Variants in STARD9 observed in about 807,000 individuals in gnomAD.
The protein encoded by STARD9 is StAR related lipid transfer domain containing 9.
Under a neutral mutation model 399.8 loss-of-function variants are expected in STARD9, and 346 were observed. The ratio of observed to expected loss-of-function variants is 0.87; its 90% CI spans 0.79 to 0.95. The LOEUF is 0.95. STARD9 is among the 40% of genes least tolerant of loss of function. The probability of loss-of-function intolerance (pLI) is 0.00; values close to 1 mark genes in which losing one functional copy is unlikely to be tolerated. For missense variants in STARD9, 5,832 were observed against 5,667.5 expected (o/e 1.03, Z -0.93); for synonymous variants, 2,203 against 2,143.5 (o/e 1.03, Z -0.77).
chr15:42,588,307 C>T lies in STARD9; in HGVS notation c.234+2670C>T, dbSNP rs540522727. ...CGTATTTTACATTTATGTGTCTTAA[C>T]TGTATAAAAATCTAGTGAAAGCCCA... On this transcript the variant is annotated intron_variant, in intron 3 of 32. Transcript: ENST00000290607. Among the ~76,000 whole-genome samples, 3 of 151,944 alleles carry T rather than the reference C, an allele frequency of 2.0e-5. No homozygotes were observed. In the East Asian group the frequency reaches 5.8e-4, roughly 29 times the overall value.
At chr15:42,668,271 G>A (rs772030480) in intron 15 of STARD9, among the ~76,000 whole-genome samples, 2 of 152,040 alleles carry the variant, frequency 1.3e-5, no homozygotes, top group African/African-American at 2.4e-5. Context: ...TCAACTCAAT[G>A]ATTATTAAAA....
intron 3 of STARD9, among the ~76,000 whole-genome samples, chr15:42,596,202 A>G (rs1482888357): frequency 6.6e-6 from 1 of 152,196 alleles, no homozygotes; most frequent in East Asian, 1.9e-4. Flanking sequence ...AGACATGCCC[A>G]AAGCTTGATA....
Position 42,690,082 on chromosome 15 carries a change from T to C in STARD9, c.8504T>C (p.Val2835Ala), listed in dbSNP as rs2060654690. 1.6e-5 allele frequency: 24 copies of C among 1,537,504 alleles called. No individual in the cohort carries two copies. The highest frequency in any genetic ancestry group is 2.0e-5 in the Non-Finnish European group (23 of 1,146,986). Residue 2835 changes from valine to alanine, a missense_variant, in exon 23 of 33, where the codon GTC becomes GCC. This residue lies in a region of STARD9 where 5,828 missense variants were observed against 5,651.1 expected (regional missense o/e 1.03). Coordinates refer to ENST00000290607, the MANE Select transcript of STARD9 (RefSeq NM_020759.3). ...TSASGPKQDH[V>A]QCPEASTGFE... Reference sequence around the variant, plus strand: ...GCCTCAGGGCCTAAGCAAGACCATGTCCAATGCCCTGAGGCTTCTACTGGC... The same window carrying C: ...GCCTCAGGGCCTAAGCAAGACCATGCCCAATGCCCTGAGGCTTCTACTGGC...
In STARD9 at chr15:42,686,053, T is replaced by G. The variant is rs1242328728; in HGVS notation, c.4475T>G (p.Leu1492Arg). 6.5e-7 allele frequency: 1 copy of G among 1,537,264 alleles called. No homozygotes were observed. The highest frequency in any genetic ancestry group is 2.0e-5 in the Admixed American group (1 of 50,994). ...RDWSALQQKYLLELSCPVLEA... is the reference protein window; with the variant it reads ...RDWSALQQKYRLELSCPVLEA... ...TGGTCTGCCCTTCAGCAGAAGTACC[T>G]CCTTGAACTCTCTTGTCCTGTTTTG... The change falls in exon 23 of 33, where the codon CTC becomes CGC. Residue 1492 changes from leucine (L) to arginine (R), a missense_variant. Transcript: ENST00000290607.
In STARD9 at chr15:42,684,463, G is replaced by T. The variant is rs542925209; in HGVS notation, c.2885G>T (p.Arg962Met). The T allele has an allele frequency of 2.6e-6, 4 of 1,537,196 alleles. No homozygotes were observed. Among genetic ancestry groups the T allele is most frequent in the African/African-American group, 2.7e-5 (2 of 73,148 alleles). Residue 962 changes from arginine to methionine, a missense_variant, in exon 23 of 33, where the codon AGG becomes ATG. This residue lies in a region of STARD9 where 5,828 missense variants were observed against 5,651.1 expected (regional missense o/e 1.03). Transcript: ENST00000290607. ...AAATCAGCTAACAAACTAAAGCCAA[G>T]GCATGAGCCAAAGATCTTCACCTCT... is the stretch of plus-strand genomic sequence containing the variant. Reference protein sequence around the residue: ...LRKSANKLKPRHEPKIFTSTT... With the variant: ...LRKSANKLKPMHEPKIFTSTT...
chr15:42,638,551 G>T (rs545441576), intron 6 of STARD9, 149 bp from the exon 7 acceptor site: 84 of 556,240 alleles, frequency 1.5e-4, no homozygotes, highest in Non-Finnish European at 2.4e-4. Flanking sequence ...TATGGAAAGA[G>T]AATCAAGGGG....
chr15:42,663,703 C>T (rs1303924683), intron 12 of STARD9, 117 bp from the exon 13 acceptor site: 3 of 891,566 alleles, frequency 3.4e-6, no homozygotes, highest in African/African-American at 3.3e-5. Flanking sequence ...CCATGACCAC[C>T]TAGGTTTCTC....
At chr15:42,582,202 CAGTCCTCTAGGTCATAGCCTGGG>C (rs1325052888) in intron 1 of STARD9, among the ~76,000 whole-genome samples, 14 of 152,170 alleles carry the variant, frequency 9.2e-5, no homozygotes, top group African/African-American at 3.4e-4. Context: ...CTCCTACCCC[CAGTCCTCTAGGTCATAGCCTGGG>C]AAGCCTGAGG....
At chr15:42,684,016 C>T in intron 22 of STARD9, 100 bp from the exon 23 acceptor site, 1 of 1,318,354 alleles carries the variant, frequency 7.6e-7, no homozygotes, top group South Asian at 1.5e-5. Context: ...GGTCTGAAGT[C>T]TATAGGAGAC....
chr15:42,635,306 C>A lies in STARD9; in HGVS notation c.351+334C>A, dbSNP rs565179695. Among the ~76,000 whole-genome samples the A allele has an allele frequency of 3.4e-4, 52 of 151,388 alleles. 1 individual carries two copies. The South Asian group carries it at 0.011, about 31-fold the overall frequency. Reference sequence around the variant, plus strand: ...TTTTCAGCATTTAATTGGAAGGTAACCTTTGAATAATTAACCCTTATTTAT... The same window carrying A: ...TTTTCAGCATTTAATTGGAAGGTAAACTTTGAATAATTAACCCTTATTTAT... On this transcript the variant is annotated intron_variant, in intron 4 of 32. Coordinates refer to ENST00000290607, the MANE Select transcript of STARD9 (RefSeq NM_020759.3).
Position 42,685,837 on chromosome 15 carries a change from C to A in STARD9, c.4259C>A (p.Thr1420Lys). ...RDEHTASAADTSRLSLWGIQR... is the reference protein window; with the variant it reads ...RDEHTASAADKSRLSLWGIQR... Reference sequence around the variant, plus strand: ...GAGCACACAGCCTCTGCTGCTGATACGTCTAGGCTGTCTCTCTGGGGAATT... The same window carrying A: ...GAGCACACAGCCTCTGCTGCTGATAAGTCTAGGCTGTCTCTCTGGGGAATT... The change falls in exon 23 of 33, where the codon ACG becomes AAG. Residue 1420 changes from threonine (T) to lysine (K), a missense_variant. This residue lies in a region of STARD9 where 5,828 missense variants were observed against 5,651.1 expected (regional missense o/e 1.03). Transcript: ENST00000290607. 6.5e-7 allele frequency: 1 copy of A among 1,537,126 alleles called. No homozygotes were observed. The highest frequency in any genetic ancestry group is 8.7e-7 in the Non-Finnish European group (1 of 1,146,920).
chr15:42,667,437 C>A (rs1162064518), intron 15 of STARD9, among the ~76,000 whole-genome samples: 3 of 151,132 alleles, frequency 2.0e-5, no homozygotes, highest in African/African-American at 7.3e-5. Flanking sequence ...CCCACCTCGG[C>A]CTCTCAAAGT....
At chr15:42,701,495 G>A (rs1018952364) in intron 26 of STARD9, among the ~76,000 whole-genome samples, 2 of 151,892 alleles carry the variant, frequency 1.3e-5, no homozygotes, top group African/African-American at 2.4e-5. Context: ...TTATTTTTTT[G>A]TAGCTATTGT....
chr15:42,581,368 T>C, intron 1 of STARD9: 2 of 1,468,906 alleles, frequency 1.4e-6, no homozygotes, highest in Non-Finnish European at 1.9e-6. Flanking sequence ...GAGAAGAGCG[T>C]CCCCTCGGGC....
Position 42,703,360 on chromosome 15 carries a change from TTTG to T in STARD9, c.13284+7483_13284+7485del, listed in dbSNP as rs1325907262. On this transcript the variant is annotated intron_variant, in intron 26 of 32. Coordinates refer to ENST00000290607, the MANE Select transcript of STARD9 (RefSeq NM_020759.3). ...TGACTCGTACATTTGTTTTTTTTGT[TTTG>T]TTTGTTTTTTTTTTTTTTAGATGGA... 8.6e-5 allele frequency among the ~76,000 whole-genome samples: 11 copies of T among 127,770 alleles called. 1 individual carries two copies. The South Asian group carries it at 2.7e-3, about 32-fold the overall frequency. The allele number at this position is 127,770 out of a possible 152,430, so 83.8% of individuals were successfully genotyped here.
intron 3 of STARD9, among the ~76,000 whole-genome samples, chr15:42,617,400 T>C (rs2058988283): frequency 6.6e-6 from 1 of 152,212 alleles, no homozygotes; most frequent in Admixed American, 6.6e-5. Context: ...TTTGCTCTTC[T>C]TGTCCAGGCT....
Position 42,687,561 on chromosome 15 carries a change from A to C in STARD9, c.5983A>C (p.Lys1995Gln), listed in dbSNP as rs754509743. 3.3e-6 allele frequency: 5 copies of C among 1,537,062 alleles called. No individual in the cohort carries two copies. Among genetic ancestry groups the C allele is most frequent in the Admixed American group, 3.9e-5 (2 of 51,002 alleles). The change falls in exon 23 of 33, where the codon AAG becomes CAG. Residue 1995 changes from lysine to glutamine, a missense_variant. Around this residue, in one of 2 missense-constraint regions of STARD9, gnomAD observed 5,828 missense variants for 5,651.1 expected, o/e 1.03. Transcript: ENST00000290607. ...TCCCAAAGATAGCTCAGAAGAGTTT[A>C]AGCTTCCAGGTACAAAGCCTGCATA... ...LRPKDSSEEF[K>Q]LPGTKPAYER...
Position 42,695,782 on chromosome 15 carries a change from C to G in STARD9, c.13186C>G (p.Leu4396Val), listed in dbSNP as rs1566953787. The G allele has an allele frequency of 1.3e-6, 2 of 1,537,136 alleles. No individual in the cohort carries two copies. The highest frequency in any genetic ancestry group is 1.7e-6 in the Non-Finnish European group (2 of 1,146,900). ...ACATACCTTGGCCAATTCCAGCTCCCTGTGCACCAGCTCTAATGGAAGCCT... is the reference window on the plus strand; with the variant it reads ...ACATACCTTGGCCAATTCCAGCTCCGTGTGCACCAGCTCTAATGGAAGCCT... ...KLHTLANSSS[L>V]CTSSNGSLSS... The change falls in exon 26 of 33, where the codon CTG becomes GTG. Residue 4396 changes from leucine (L) to valine (V), a missense_variant. Leu to Val is a conservative substitution (Grantham distance 32). Coordinates refer to ENST00000290607, the MANE Select transcript of STARD9 (RefSeq NM_020759.3).
At chr15:42,642,497 G>A (rs2059560292) in intron 7 of STARD9, among the ~76,000 whole-genome samples, 1 of 152,164 alleles carries the variant, frequency 6.6e-6, no homozygotes, top group Admixed American at 6.5e-5. Context: ...TAAAGGTACA[G>A]GTGCAAACCA....
Sources: allele counts gnomAD v4.1 joint callset (sites outside exome capture counted in the v4.1 genomes callset), GRCh38; gene constraint gnomAD v4.1.1; regional missense constraint gnomAD v4.1.1; transcripts MANE v1.5; gene names NCBI Gene and HGNC (gene_info 2026-07-23, HGNC 2026-07-21).